Variants in CDC42BPA observed in about 807,000 individuals in gnomAD.
The protein encoded by CDC42BPA is CDC42 binding protein kinase alpha.
In CDC42BPA, 80 loss-of-function variants were observed where a neutral mutation model predicts 223.5. The observed-to-expected ratio is 0.36, with a 90% confidence interval of 0.30 to 0.43. The LOEUF is 0.43. Among genes scored for constraint, CDC42BPA ranks in the 20% least tolerant of loss-of-function variants. CDC42BPA has a pLI of 1.00. For synonymous variants in CDC42BPA, 694 were observed against 718.6 expected (o/e 0.97, Z 0.55); for missense variants, 1,743 against 2,099.9 (o/e 0.83, Z 3.32).
At chr1:227,230,074 G>A (rs1248513387) in intron 2 of CDC42BPA, among the ~76,000 whole-genome samples, 1 of 152,168 alleles carries the variant, frequency 6.6e-6, no homozygotes, top group Non-Finnish European at 1.5e-5. Flanking sequence ...ATACTTAACA[G>A]AGCCCTACTC....
At chr1:227,152,919 AC>A (rs1662047166) in intron 6 of CDC42BPA, among the ~76,000 whole-genome samples, 1 of 152,098 alleles carries the variant, frequency 6.6e-6, no homozygotes, top group Admixed American at 6.5e-5. Flanking sequence ...TAAGGTAGCT[AC>A]AGTAATATCA....
intron 1 of CDC42BPA, among the ~76,000 whole-genome samples, chr1:227,293,095 C>G (rs972904439): frequency 6.6e-6 from 1 of 152,088 alleles, no homozygotes; most frequent in Admixed American, 6.6e-5. Flanking sequence ...TGCTTAACTC[C>G]GTTGTTCACT....
chr1:227,197,610 T>C (rs373753880), intron 4 of CDC42BPA, among the ~76,000 whole-genome samples: 4 of 152,096 alleles, frequency 2.6e-5, no homozygotes, highest in Non-Finnish European at 4.4e-5. Context: ...TATATAAAAT[T>C]TGGTATTTGG....
At position 227,112,739 on chromosome 1, in the gene CDC42BPA, C is replaced by T. The variant is rs753859062; in HGVS notation, c.1822G>A (p.Asp608Asn). 5.6e-6 allele frequency: 9 copies of T among 1,613,946 alleles called. No homozygotes were observed. In the South Asian group the frequency reaches 6.6e-5, roughly 12 times the overall value. ...CTTTCAACTTTTTGCATCACCAGGT[C>T]CACCTCTTCTTCCTTATCTCGGACA... The part of the protein sequence containing the change: ...RHVRDKEEEV[D>N]LVMQKVESLR... The change falls in exon 13 of 37, where the codon GAC becomes AAC. Residue 608 changes from aspartate (D) to asparagine (N), a missense_variant. Around this residue, in one of 6 missense-constraint regions of CDC42BPA, gnomAD observed 464 missense variants for 488.0 expected, o/e 0.95. Coordinates refer to ENST00000366766, the MANE Select transcript of CDC42BPA (RefSeq NM_001394014.1).
At chr1:227,025,106 G>A (rs1341809268) in intron 31 of CDC42BPA, among the ~76,000 whole-genome samples, 1 of 152,170 alleles carries the variant, frequency 6.6e-6, no homozygotes, top group Admixed American at 6.5e-5. Flanking sequence ...AGCAGGGCAT[G>A]GTGGTGTACA....
At chr1:227,167,459 A>G (rs1174626528) in intron 5 of CDC42BPA, among the ~76,000 whole-genome samples, 1 of 152,144 alleles carries the variant, frequency 6.6e-6, no homozygotes, top group East Asian at 1.9e-4. Context: ...ACTGCTGGTT[A>G]TTCTCCCAAC....
At chr1:227,115,040 A>T (rs531744745) in intron 12 of CDC42BPA, among the ~76,000 whole-genome samples, 7 of 152,152 alleles carry the variant, frequency 4.6e-5, no homozygotes, top group African/African-American at 1.7e-4. Flanking sequence ...AAACAAAAAG[A>T]GTTCTGGAGA....
At chr1:227,178,453 CT>C (rs1160035906) in intron 5 of CDC42BPA, 1 of 152,800 alleles carries the variant, frequency 6.5e-6, no homozygotes, top group Admixed American at 6.5e-5. Context: ...AATTAAACCT[CT>C]TTCTTTTATA....
intron 15 of CDC42BPA, among the ~76,000 whole-genome samples, chr1:227,100,003 A>G (rs1684712349): frequency 6.6e-6 from 1 of 152,194 alleles, no homozygotes; most frequent in East Asian, 1.9e-4. Flanking sequence ...GGTAGGTTAA[A>G]AAATATTACT....
intron 1 of CDC42BPA, among the ~76,000 whole-genome samples, chr1:227,273,036 T>C (rs9426620): frequency 0.32 from 48,877 of 151,892 alleles, 8,107 homozygotes; most frequent in African/African-American, 0.38. Context: ...CTCACGCCTG[T>C]AATCCCAGCA....
At chr1:227,003,489 T>TAATCTAC (rs1404738502) in intron 35 of CDC42BPA, among the ~76,000 whole-genome samples, 1 of 152,220 alleles carries the variant, frequency 6.6e-6, no homozygotes, top group African/African-American at 2.4e-5. Context: ...GATCACTTGA[T>TAATCTAC]AATCTACAAT....
At chr1:227,264,417 T>C (rs1175995950) in intron 1 of CDC42BPA, among the ~76,000 whole-genome samples, 1 of 143,564 alleles carries the variant, frequency 7.0e-6, no homozygotes, top group Non-Finnish European at 1.5e-5. Context: ...AAGAAAAAGA[T>C]TCCAGGATCA....
intron 1 of CDC42BPA, among the ~76,000 whole-genome samples, chr1:227,281,699 C>A (rs947193738): frequency 3.3e-5 from 5 of 152,142 alleles, no homozygotes; most frequent in African/African-American, 1.2e-4. Context: ...AGAGCTTTTG[C>A]AAGTGCTCCA....
rs759666049 is a variant in CDC42BPA at position 227,245,284 on chromosome 1, C to CTTTTTTTTTT, written c.270+8770_270+8779dup. Reference sequence around the variant, plus strand: ...GAGTAAAGAGGACTTTGTCTTGCATCTTTTTTTTTTTTTTTTTTTTTTTGA... The same window carrying CTTTTTTTTTT: ...GAGTAAAGAGGACTTTGTCTTGCATCTTTTTTTTTTTTTTTTTTTTTTTTTTTTTTTTTGA... On this transcript the variant is annotated intron_variant, in intron 2 of 36. Coordinates refer to ENST00000366766, the MANE Select transcript of CDC42BPA (RefSeq NM_001394014.1). 3.7e-3 allele frequency among the ~76,000 whole-genome samples: 300 copies of CTTTTTTTTTT among 81,750 alleles called. 10 individuals carry two copies. Among genetic ancestry groups the CTTTTTTTTTT allele is most frequent in the Non-Finnish European group, 4.3e-3 (184 of 43,274 alleles). 53.6% of individuals were successfully genotyped at this position (81,750 alleles called of 152,430 possible).
At chr1:227,050,096 T>C (rs181933006) in intron 22 of CDC42BPA, among the ~76,000 whole-genome samples, 1 of 152,198 alleles carries the variant, frequency 6.6e-6, no homozygotes, top group Admixed American at 6.5e-5. Flanking sequence ...GAGAAAATAT[T>C]TGCAATGCAT....
chr1:227,143,466 T>C (rs1364906502), intron 8 of CDC42BPA, among the ~76,000 whole-genome samples: 1 of 152,204 alleles, frequency 6.6e-6, no homozygotes, highest in Non-Finnish European at 1.5e-5. Context: ...TCTCATATTA[T>C]AAACAAGTGT....
intron 1 of CDC42BPA, among the ~76,000 whole-genome samples, chr1:227,287,813 G>A (rs552537997): frequency 4.5e-4 from 69 of 152,194 alleles, no homozygotes; most frequent in African/African-American, 1.3e-3. Flanking sequence ...CATCTCAAAC[G>A]TTTATCATTT....
Position 227,139,743 on chromosome 1 carries a change from C to T in CDC42BPA, c.1224-1G>A. The T allele has an allele frequency of 6.6e-7, 1 of 1,504,524 alleles. No individual in the cohort carries two copies. The highest frequency in any genetic ancestry group is 8.8e-7 in the Non-Finnish European group (1 of 1,132,072). The allele number at this position is 1,504,524 out of a possible 1,614,324, so 93.2% of individuals were successfully genotyped here. On this transcript the variant is annotated splice_acceptor_variant, in intron 9 of 36. Transcript: ENST00000366766. LOFTEE classifies it high-confidence loss of function. ...TAAACAGCTCCGATCAGAAAGTACACTGAAGAAAAGAAAAAAAAATGTAGG... is the reference window on the plus strand; with the variant it reads ...TAAACAGCTCCGATCAGAAAGTACATTGAAGAAAAGAAAAAAAAATGTAGG...
chr1:227,255,759 T>C (rs902964042), intron 1 of CDC42BPA, among the ~76,000 whole-genome samples: 1 of 152,170 alleles, frequency 6.6e-6, no homozygotes, highest in African/African-American at 2.4e-5. Flanking sequence ...GGTGAAAGAC[T>C]TGTACATTGG....
Sources: allele counts gnomAD v4.1 joint callset (sites outside exome capture counted in the v4.1 genomes callset), GRCh38; gene constraint gnomAD v4.1.1; regional missense constraint gnomAD v4.1.1; transcripts MANE v1.5; gene names NCBI Gene and HGNC (gene_info 2026-07-23, HGNC 2026-07-21).